Variants in PLEKHG7 observed in about 807,000 individuals in gnomAD.
PLEKHG7 encodes pleckstrin homology domain-containing family G member 7.
PLEKHG7 carries 77 observed loss-of-function variants against 85.2 expected under a neutral mutation model. The observed-to-expected ratio is 0.90, with a 90% CI of 0.75 to 1.09. The LOEUF (loss-of-function observed/expected upper bound fraction) is 1.09, where lower values mean the gene tolerates loss of function less well. PLEKHG7 is among the 50% of genes least tolerant of loss of function. The pLI is 0.00. For missense variants in PLEKHG7, 777 were observed against 804.3 expected, an observed-to-expected ratio of 0.97 and a Z score of 0.41; for synonymous variants, 301 against 302.4, an observed-to-expected ratio of 1.00 and a Z score of 0.05.
At chr12:92,716,081 T>TTTTTGTTTTG (rs150207306) in intron 3 of PLEKHG7, among the ~76,000 whole-genome samples, 2 of 151,630 alleles carry the variant, frequency 1.3e-5, no homozygotes, top group African/African-American at 4.9e-5. Flanking sequence ...TTTTGGGGTT[T>TTTTTGTTTTG]TTTTGTTTTG....
chr12:92,758,593 C>T (rs1245694798), intron 13 of PLEKHG7, among the ~76,000 whole-genome samples: 2 of 152,192 alleles, frequency 1.3e-5, no homozygotes, highest in African/African-American at 4.8e-5. Context: ...TGGAAGCTCA[C>T]CTAAGAAAGA....
chr12:92,703,824 G>A (rs1276360469), intron 1 of PLEKHG7, among the ~76,000 whole-genome samples: 1 of 152,108 alleles, frequency 6.6e-6, no homozygotes, highest in East Asian at 1.9e-4. Flanking sequence ...AATCCTATTG[G>A]CCATAAATAA....
chr12:92,758,440 G>A (rs1872896006), intron 13 of PLEKHG7, among the ~76,000 whole-genome samples: 1 of 152,336 alleles, frequency 6.6e-6, no homozygotes, highest in African/African-American at 2.4e-5. Context: ...AGTGGGTCAA[G>A]GAGTCAATTT....
At chr12:92,730,324 TAAG>T (rs1235655522) in intron 4 of PLEKHG7, among the ~76,000 whole-genome samples, 3 of 152,346 alleles carry the variant, frequency 2.0e-5, no homozygotes, top group African/African-American at 7.2e-5. Flanking sequence ...TACTACATTT[TAAG>T]AGGCTTTAGA....
At chr12:92,767,879 TTTTG>T (rs769861513) in intron 15 of PLEKHG7, among the ~76,000 whole-genome samples, 22 of 152,132 alleles carry the variant, frequency 1.4e-4, no homozygotes, top group South Asian at 4.1e-4. Flanking sequence ...CCTGGCCTGT[TTTTG>T]TTTGTTTGTT....
intron 1 of PLEKHG7, among the ~76,000 whole-genome samples, chr12:92,705,207 G>A (rs571090686): frequency 6.6e-6 from 1 of 152,308 alleles, no homozygotes; most frequent in African/African-American, 2.4e-5. Flanking sequence ...TGCTATAGAA[G>A]CCTGTAACAA....
At chr12:92,716,476 C>T (rs1041744946) in intron 3 of PLEKHG7, among the ~76,000 whole-genome samples, 4 of 152,192 alleles carry the variant, frequency 2.6e-5, no homozygotes, top group Non-Finnish European at 2.9e-5. Flanking sequence ...CTGGAAAACC[C>T]TTGCTCTCAC....
At chr12:92,722,985 C>T (rs150203278) in intron 3 of PLEKHG7, among the ~76,000 whole-genome samples, 77 of 152,056 alleles carry the variant, frequency 5.1e-4, no homozygotes, top group African/African-American at 1.8e-3. Flanking sequence ...TTGTCCCTCC[C>T]TGAGTGGGTC....
At chr12:92,728,073 T>C in intron 3 of PLEKHG7, among the ~76,000 whole-genome samples, 1 of 18,462 alleles carries the variant, frequency 5.4e-5, no homozygotes. Context: ...CACACCACAT[T>C]CCATGGTGTA....
At chr12:92,714,810 A>G (rs866041841) in intron 3 of PLEKHG7, among the ~76,000 whole-genome samples, 45 of 152,356 alleles carry the variant, frequency 3.0e-4, no homozygotes, top group Middle Eastern at 6.8e-3. Context: ...ATAACTCTCC[A>G]AACGGTTCAC....
At position 92,756,410 on chromosome 12, in the gene PLEKHG7, T is replaced by A; in HGVS notation, c.1636+19T>A. The A allele has an allele frequency of 1.3e-6, 2 of 1,564,672 alleles. No homozygotes were observed. The highest frequency in any genetic ancestry group is 1.8e-6 in the Non-Finnish European group (2 of 1,135,834). On this transcript the variant is annotated intron_variant, in intron 13 of 16. Coordinates refer to ENST00000344636, the MANE Select transcript of PLEKHG7 (RefSeq NM_001377329.1). ...CTTGCAGGTAAATAACTGCTTCCTT[T>A]AAAAAACCCAACATCTGTGCCGCCT... is the stretch of plus-strand genomic sequence containing the variant.
intron 9 of PLEKHG7, among the ~76,000 whole-genome samples, chr12:92,741,976 C>T (rs1872370474): frequency 6.6e-6 from 1 of 152,148 alleles, no homozygotes; most frequent in African/African-American, 2.4e-5. Context: ...CCTTCAAATC[C>T]ATCAACACCC....
At chr12:92,756,149 T>C in intron 12 of PLEKHG7, 149 bp from the exon 13 acceptor site, 3 of 706,772 alleles carry the variant, frequency 4.2e-6, no homozygotes, top group African/African-American at 1.8e-5. Context: ...TCTGAGAGGG[T>C]TTTTCATTGT....
intron 3 of PLEKHG7, among the ~76,000 whole-genome samples, chr12:92,725,841 T>C (rs558787679): frequency 2.4e-4 from 37 of 152,316 alleles, no homozygotes; most frequent in African/African-American, 8.4e-4. Context: ...GAAAAGCCTA[T>C]ATCAAGTTAC....
chr12:92,764,018 A>G (rs777133967), intron 14 of PLEKHG7, 23 bp from the exon 15 acceptor site: 2 of 1,589,346 alleles, frequency 1.3e-6, no homozygotes, highest in Non-Finnish European at 1.7e-6. Flanking sequence ...TGTTTATTGC[A>G]TTATTTTTCT....
intron 3 of PLEKHG7, chr12:92,721,617 G>A: frequency 1.1e-6 from 1 of 923,984 alleles, no homozygotes; most frequent in African/African-American, 1.9e-5. Flanking sequence ...GAGCTGCAAA[G>A]TCTGGGTCAG....
At chr12:92,759,599 T>G (rs932132634) in intron 13 of PLEKHG7, among the ~76,000 whole-genome samples, 14 of 152,194 alleles carry the variant, frequency 9.2e-5, no homozygotes, top group African/African-American at 2.9e-4. Context: ...TCTGATAGGA[T>G]TAGTATCCTA....
At chr12:92,717,985 C>A (rs1166667413) in intron 3 of PLEKHG7, among the ~76,000 whole-genome samples, 1 of 152,182 alleles carries the variant, frequency 6.6e-6, no homozygotes, top group Non-Finnish European at 1.5e-5. Flanking sequence ...ATTGACTTAT[C>A]CTTTCTAAAA....
intron 13 of PLEKHG7, 86 bp from the exon 14 acceptor site, chr12:92,761,664 AAG>A (rs930080431): frequency 1.5e-6 from 2 of 1,338,452 alleles, no homozygotes; most frequent in Admixed American, 3.9e-5. Flanking sequence ...GAAAGAAAGA[AAG>A]AAAGAAAGAA....
Sources: gnomAD v4.1 joint callset for allele counts (sites outside exome capture counted in the v4.1 genomes callset) on GRCh38, gnomAD v4.1.1 for gene constraint, MANE v1.5 for transcripts, NCBI Gene and HGNC (gene_info 2026-07-23, HGNC 2026-07-21) for gene names.